UST: variants seen among roughly 807,000 people sequenced by gnomAD.
UST encodes uronyl 2-sulfotransferase.
UST carries 21 observed loss-of-function variants against 45.6 expected under a neutral mutation model. That is an observed-to-expected ratio of 0.46 (90% CI 0.33 to 0.66). UST has a LOEUF of 0.66. Ranked by LOEUF, UST falls within the 30% of genes least tolerant of loss-of-function variation. UST has a pLI of 0.02. For synonymous variants in UST, 215 were observed against 200.6 expected, an observed-to-expected ratio of 1.07 and a Z score of -0.61; for missense variants, 463 against 512.4, an observed-to-expected ratio of 0.90 and a Z score of 0.93.
rs1285481699 is a variant in UST at position 149,076,872 on chromosome 6, A to C, written c.*2756A>C. The C allele has an allele frequency of 6.6e-6, 1 of 152,156 alleles. No homozygotes were observed. The highest frequency in any genetic ancestry group is 1.5e-5 in the Non-Finnish European group (1 of 67,950). The allele number at this position is 152,156 out of a possible 1,614,324, so 9.4% of individuals were successfully genotyped here. A position where few individuals can be genotyped will look rare whatever the true frequency, so the allele number is the denominator to read the frequency against. ...TCTTGAGTGCCGTAAAAGTGCTTGT[A>C]AATCTTTTTTTTTTTTTAAGAAGAA... On this transcript the variant is annotated 3_prime_UTR_variant, in exon 8 of 8. Coordinates refer to ENST00000367463, the MANE Select transcript of UST (RefSeq NM_005715.3).
Position 149,020,886 on chromosome 6 carries a change from G to A in UST, c.780-438G>A, listed in dbSNP as rs181102361. ...GATGATTAATAGGCATGACCTGACA[G>A]CTCTTTTGAGTTCTACATAAATACT... On this transcript the variant is annotated intron_variant, in intron 6 of 7. Coordinates refer to ENST00000367463, the MANE Select transcript of UST (RefSeq NM_005715.3). 1.6e-3 allele frequency among the ~76,000 whole-genome samples: 247 copies of A among 152,300 alleles called. 1 individual carries two copies. Among genetic ancestry groups the A allele is most frequent in the African/African-American group, 5.4e-3 (224 of 41,564 alleles).
intron 1 of UST, among the ~76,000 whole-genome samples, chr6:148,805,659 T>C (rs1246045766): frequency 6.6e-6 from 1 of 152,256 alleles, no homozygotes; most frequent in Non-Finnish European, 1.5e-5. Flanking sequence ...AAAGTTGATG[T>C]AATTTTCCAA....
chr6:149,027,492 G>A (rs1301924185), intron 7 of UST, among the ~76,000 whole-genome samples: 1 of 152,156 alleles, frequency 6.6e-6, no homozygotes, highest in Admixed American at 6.5e-5. Context: ...TTTTAAGGCT[G>A]CTTGTTCTGT....
intron 1 of UST, among the ~76,000 whole-genome samples, chr6:148,855,917 A>AT (rs1778194330): frequency 6.6e-6 from 1 of 152,194 alleles, no homozygotes; most frequent in East Asian, 1.9e-4. Flanking sequence ...AAAAAAGTCA[A>AT]TTGATAGATG....
At chr6:148,894,518 G>A (rs563320195) in intron 2 of UST, among the ~76,000 whole-genome samples, 4 of 152,240 alleles carry the variant, frequency 2.6e-5, no homozygotes, top group East Asian at 1.9e-4. Flanking sequence ...AGCCACCAAC[G>A]AGCAGAGAAG....
intron 1 of UST, among the ~76,000 whole-genome samples, chr6:148,856,881 T>C (rs1360998200): frequency 6.6e-6 from 1 of 151,756 alleles, no homozygotes; most frequent in Non-Finnish European, 1.5e-5. Flanking sequence ...AAATCAGAGA[T>C]AACATTTTAG....
At chr6:148,854,685 G>A (rs2114790875) in intron 1 of UST, among the ~76,000 whole-genome samples, 1 of 152,104 alleles carries the variant, frequency 6.6e-6, no homozygotes, top group Non-Finnish European at 1.5e-5. Context: ...GCTGGGGGAG[G>A]GCTGAGCTTC....
chr6:148,994,127 G>A (rs779374480), intron 5 of UST, among the ~76,000 whole-genome samples: 18 of 151,788 alleles, frequency 1.2e-4, no homozygotes, highest in Non-Finnish European at 2.2e-4. Flanking sequence ...GCACCAGCAC[G>A]CTGGCTAATT....
intron 1 of UST, among the ~76,000 whole-genome samples, chr6:148,840,386 C>T (rs1243441449): frequency 1.3e-5 from 2 of 152,194 alleles, no homozygotes; most frequent in African/African-American, 4.8e-5. Context: ...TTTCAGGCTA[C>T]ATTTGCTAGA....
chr6:148,811,929 C>T (rs557094345), intron 1 of UST, among the ~76,000 whole-genome samples: 53 of 152,310 alleles, frequency 3.5e-4, no homozygotes, highest in African/African-American at 1.2e-3. Flanking sequence ...TTAAAATCTC[C>T]GTTAATCTAC....
At chr6:148,797,397 C>T (rs1008624492) in intron 1 of UST, among the ~76,000 whole-genome samples, 5 of 152,196 alleles carry the variant, frequency 3.3e-5, no homozygotes, top group Admixed American at 1.3e-4. Context: ...TTAGTTCTTA[C>T]AAATAAATCC....
intron 1 of UST, among the ~76,000 whole-genome samples, chr6:148,774,218 G>A (rs932321323): frequency 6.6e-5 from 10 of 151,272 alleles, no homozygotes; most frequent in Admixed American, 1.3e-4. Flanking sequence ...CGTGTGACAC[G>A]GCTATAACTA....
chr6:148,853,973 C>A lies in UST; in HGVS notation c.248-33013C>A, dbSNP rs753161564. Among the ~76,000 whole-genome samples the A allele has an allele frequency of 3.0e-4, 45 of 152,274 alleles. 1 individual carries two copies. The Middle Eastern group carries it at 0.024, about 81-fold the overall frequency. On this transcript the variant is annotated intron_variant, in intron 1 of 7. Transcript: ENST00000367463. ...GATACATAAGGACAAAAATGTGCAA[C>A]CTTTTGCATCATATAACAAAGTTCT...
intron 1 of UST, among the ~76,000 whole-genome samples, chr6:148,871,088 G>A (rs2114815718): frequency 7.3e-6 from 1 of 136,774 alleles, no homozygotes; most frequent in East Asian, 2.2e-4. Flanking sequence ...GGCCTTATAA[G>A]GACGAAGGAG....
At chr6:149,002,876 A>G (rs1394140196) in intron 5 of UST, among the ~76,000 whole-genome samples, 1 of 152,240 alleles carries the variant, frequency 6.6e-6, no homozygotes, top group Non-Finnish European at 1.5e-5. Flanking sequence ...AGAACTACCA[A>G]GAAGATATTC....
intron 5 of UST, among the ~76,000 whole-genome samples, chr6:148,994,579 C>T (rs887684361): frequency 9.9e-5 from 15 of 152,106 alleles, no homozygotes; most frequent in African/African-American, 3.1e-4. Context: ...GAAACTATTC[C>T]AAGACTGGGA....
At chr6:148,917,820 G>C (rs933066240) in intron 2 of UST, among the ~76,000 whole-genome samples, 1 of 152,214 alleles carries the variant, frequency 6.6e-6, no homozygotes, top group African/African-American at 2.4e-5. Context: ...GAGCTCAGAT[G>C]GGTGGCAAGT....
intron 7 of UST, among the ~76,000 whole-genome samples, chr6:149,052,923 G>A (rs1000323635): frequency 2.6e-5 from 4 of 152,100 alleles, no homozygotes; most frequent in African/African-American, 9.7e-5. Context: ...TTTTCATAAG[G>A]GTTTTAATGA....
rs1400478457 is a variant in UST, at chr6:148,977,735, G to C, written c.681+13172G>C. Among the ~76,000 whole-genome samples, 3 of 127,920 alleles carry C rather than the reference G, an allele frequency of 2.3e-5. 1 individual carries two copies. Among genetic ancestry groups the C allele is most frequent in the Non-Finnish European group, 3.1e-5 (2 of 63,568 alleles). The allele number at this position is 127,920 out of a possible 152,430, so 83.9% of individuals were successfully genotyped here. A position where few individuals can be genotyped will look rare whatever the true frequency, so the allele number is the denominator to read the frequency against. On this transcript the variant is annotated intron_variant, in intron 5 of 7. Transcript: ENST00000367463. The stretch of plus-strand genomic sequence containing the variant: ...CCACTGTACTCCAGCCTGGATGACA[G>C]AGTGAGAATCTGTCTCAAAAAAAAA...
Sources: gnomAD v4.1 joint callset for allele counts (sites outside exome capture counted in the v4.1 genomes callset) on GRCh38, gnomAD v4.1.1 for gene constraint, MANE v1.5 for transcripts, NCBI Gene and HGNC (gene_info 2026-07-23, HGNC 2026-07-21) for gene names.